The following LUZP2 variants were observed in gnomAD, a reference collection of about 807,000 sequenced individuals.
The protein encoded by LUZP2 is leucine zipper protein 2.
A neutral mutation model predicts 51.6 loss-of-function variants in LUZP2; 52 were observed. The ratio of observed to expected loss-of-function variants is 1.01; its 90% CI spans 0.81 to 1.27. The LOEUF is 1.27. LUZP2 is among the 50% of genes most tolerant of loss of function. The probability of loss-of-function intolerance (pLI) is 0.00; values close to 1 mark genes in which losing one functional copy is unlikely to be tolerated. For synonymous variants in LUZP2, 154 were observed against 137.3 expected (o/e 1.12, Z -0.85); for missense variants, 436 against 395.4 (o/e 1.10, Z -0.87).
chr11:24,612,795 A>G (rs1854163551), intron 1 of LUZP2, among the ~76,000 whole-genome samples: 1 of 152,128 alleles, frequency 6.6e-6, no homozygotes, highest in South Asian at 2.1e-4. Flanking sequence ...GAGACATTTT[A>G]AGTCATATTC....
At chr11:24,953,832 G>C (rs942414375) in intron 7 of LUZP2, among the ~76,000 whole-genome samples, 2 of 152,054 alleles carry the variant, frequency 1.3e-5, no homozygotes, top group South Asian at 4.1e-4. Flanking sequence ...TCAATGATTA[G>C]CAAAACAGTT....
chr11:24,939,366 T>C (rs755984943), intron 7 of LUZP2, among the ~76,000 whole-genome samples: 1 of 152,050 alleles, frequency 6.6e-6, no homozygotes, highest in Non-Finnish European at 1.5e-5. Context: ...TCAATTTTAA[T>C]ACAACATGGT....
intron 10 of LUZP2, among the ~76,000 whole-genome samples, chr11:25,061,845 G>A (rs1045926760): frequency 3.9e-5 from 6 of 151,992 alleles, no homozygotes; most frequent in African/African-American, 1.2e-4. Context: ...AAAGAGAAAT[G>A]ATATCTGAAC....
At chr11:24,602,150 G>GTA (rs1491318668) in intron 1 of LUZP2, among the ~76,000 whole-genome samples, 14 of 124,006 alleles carry the variant, frequency 1.1e-4, no homozygotes, top group African/African-American at 4.2e-4. Flanking sequence ...ATGTATATAT[G>GTA]TATATATGTA....
At chr11:25,015,118 T>G (rs1326963241) in intron 9 of LUZP2, among the ~76,000 whole-genome samples, 1 of 152,204 alleles carries the variant, frequency 6.6e-6, no homozygotes, top group Non-Finnish European at 1.5e-5. Context: ...TAGAAAATGT[T>G]ATTAATATTA....
Position 25,077,407 on chromosome 11 carries a change from G to T in LUZP2, c.936+1G>T, listed in dbSNP as rs1465795841. On this transcript the variant is annotated splice_donor_variant, in intron 11 of 11. Coordinates refer to ENST00000336930, the MANE Select transcript of LUZP2 (RefSeq NM_001009909.4). LOFTEE classifies it high-confidence loss of function. ...TGCAGAAACCGAGCCTATCCCACAGGTATGTGTTTGTTTTATTTCGTTTGT... is the reference window on the plus strand; with the variant it reads ...TGCAGAAACCGAGCCTATCCCACAGTTATGTGTTTGTTTTATTTCGTTTGT... 6.3e-7 allele frequency: 1 copy of T among 1,591,074 alleles called. No individual in the cohort carries two copies. The highest frequency in any genetic ancestry group is 1.1e-5 in the South Asian group (1 of 90,104).
chr11:25,041,596 G>A (rs60112958), intron 9 of LUZP2, among the ~76,000 whole-genome samples: 11,533 of 151,980 alleles, frequency 0.076, 1,393 homozygotes, highest in African/African-American at 0.26. Flanking sequence ...GATTATATAC[G>A]TATATAAAGT....
At chr11:24,686,734 C>A (rs556699875) in intron 1 of LUZP2, among the ~76,000 whole-genome samples, 16 of 152,196 alleles carry the variant, frequency 1.1e-4, no homozygotes, top group Non-Finnish European at 2.2e-4. Flanking sequence ...ATGAGAACAG[C>A]GATTTCCAAA....
chr11:24,934,812 T>C (rs1463068380), intron 7 of LUZP2, among the ~76,000 whole-genome samples: 1 of 152,196 alleles, frequency 6.6e-6, no homozygotes, highest in Non-Finnish European at 1.5e-5. Context: ...ATTCTCATAT[T>C]TGAAGTAGCT....
At chr11:25,021,425 TTG>T (rs3992972) in intron 9 of LUZP2, among the ~76,000 whole-genome samples, 70,472 of 149,546 alleles carry the variant, frequency 0.47, 16,784 homozygotes, top group Non-Finnish European at 0.51. Flanking sequence ...TGCACACAGG[TTG>T]TGTGTGTGTG....
chr11:24,795,852 C>G (rs566627208), intron 5 of LUZP2, among the ~76,000 whole-genome samples: 22 of 152,038 alleles, frequency 1.4e-4, no homozygotes, highest in Non-Finnish European at 2.5e-4. Flanking sequence ...TATACACTTG[C>G]CTGCCTAATC....
chr11:24,857,568 T>TA (rs1851609159), intron 5 of LUZP2, among the ~76,000 whole-genome samples: 1 of 151,262 alleles, frequency 6.6e-6, no homozygotes, highest in Non-Finnish European at 1.5e-5. Context: ...TAGGTCTTTT[T>TA]TTTTTTTATC....
At chr11:24,547,779 T>C (rs1351159554) in intron 1 of LUZP2, among the ~76,000 whole-genome samples, 1 of 152,034 alleles carries the variant, frequency 6.6e-6, no homozygotes, top group East Asian at 1.9e-4. Context: ...TAAACTGACA[T>C]CCTACAAAGT....
intron 5 of LUZP2, among the ~76,000 whole-genome samples, chr11:24,859,497 A>T (rs2134241481): frequency 6.6e-6 from 1 of 152,334 alleles, no homozygotes; most frequent in Non-Finnish European, 1.5e-5. Context: ...ACGGTTTCTT[A>T]GTTACATCAC....
chr11:24,965,735 G>A lies in LUZP2; in HGVS notation c.523-10856G>A, dbSNP rs138457218. Among the ~76,000 whole-genome samples the A allele has an allele frequency of 4.2e-3, 638 of 151,858 alleles. 6 individuals are homozygous for A. The highest frequency in any genetic ancestry group is 0.014 in the African/African-American group (592 of 41,518). On this transcript the variant is annotated intron_variant, in intron 7 of 11. Coordinates refer to ENST00000336930, the MANE Select transcript of LUZP2 (RefSeq NM_001009909.4). ...GTTTAAAGAAGGAACAATATGAAAT[G>A]TATGTAGAATATTAAATGGCTCATT...
At chr11:24,678,077 G>GC (rs1397802042) in intron 1 of LUZP2, among the ~76,000 whole-genome samples, 1 of 59,678 alleles carries the variant, frequency 1.7e-5, no homozygotes, top group Admixed American at 1.6e-4. Context: ...AAGGAGAAAG[G>GC]GGGGGGGGGG....
intron 4 of LUZP2, among the ~76,000 whole-genome samples, chr11:24,757,033 G>C (rs1859801754): frequency 6.6e-6 from 1 of 152,150 alleles, no homozygotes; most frequent in African/African-American, 2.4e-5. Context: ...ACAAGTTATG[G>C]GGAAGGGGCA....
At chr11:24,873,106 C>T (rs1336481352) in intron 5 of LUZP2, among the ~76,000 whole-genome samples, 1 of 152,172 alleles carries the variant, frequency 6.6e-6, no homozygotes, top group Non-Finnish European at 1.5e-5. Context: ...GATGTGATAA[C>T]AATTCATTCA....
rs941441166 is a variant in LUZP2 at position 24,786,393 on chromosome 11, T to A, written c.396+23085T>A. ...ACCCTTCTATATAAATAATATGGGA[T>A]GTTTTTCTTTCCACTTAGTATACAT... On this transcript the variant is annotated intron_variant, in intron 5 of 11. Coordinates refer to ENST00000336930, the MANE Select transcript of LUZP2 (RefSeq NM_001009909.4). 8.1e-6 allele frequency: 8 copies of A among 982,024 alleles called. No individual in the cohort carries two copies. The African/African-American group carries it at 1.4e-4, about 17-fold the overall frequency. The allele number at this position is 982,024 out of a possible 1,614,324, so 60.8% of individuals were successfully genotyped here.
Sources: gnomAD v4.1 joint callset for allele counts (sites outside exome capture counted in the v4.1 genomes callset) on GRCh38, gnomAD v4.1.1 for gene constraint, MANE v1.5 for transcripts, NCBI Gene and HGNC (gene_info 2026-07-23, HGNC 2026-07-21) for gene names.